Variants in UBE3C observed in about 807,000 individuals in gnomAD.
The protein encoded by UBE3C is ubiquitin protein ligase E3C.
A neutral mutation model predicts 129.4 loss-of-function variants in UBE3C; 42 were observed. The observed-to-expected ratio is 0.32, with a 90% CI of 0.25 to 0.42. UBE3C has a LOEUF of 0.42. Among genes scored for constraint, UBE3C ranks in the 10% least tolerant of loss-of-function variants. The probability of loss-of-function intolerance (pLI) is 1.00; values close to 1 mark genes in which losing one functional copy is unlikely to be tolerated. For missense variants in UBE3C, 1,049 were observed against 1,319.1 expected, an observed-to-expected ratio of 0.80 and a Z score of 3.17; for synonymous variants, 510 against 492.4, an observed-to-expected ratio of 1.04 and a Z score of -0.47.
chr7:157,201,845 C>A, intron 11 of UBE3C, 38 bp downstream of exon 11: 1 of 1,536,404 alleles, frequency 6.5e-7, no homozygotes, highest in South Asian at 1.2e-5. Flanking sequence ...AGCTCAAGGG[C>A]ACAGGAAGTG....
chr7:157,194,008 A>G (rs1318760024), intron 10 of UBE3C, among the ~76,000 whole-genome samples: 1 of 152,206 alleles, frequency 6.6e-6, no homozygotes, highest in African/African-American at 2.4e-5. Context: ...GATATGAACA[A>G]AATTTCAAAT....
chr7:157,194,467 A>G (rs559391411), intron 10 of UBE3C, among the ~76,000 whole-genome samples: 2 of 152,334 alleles, frequency 1.3e-5, no homozygotes, highest in African/African-American at 2.4e-5. Context: ...AGACTTTTCT[A>G]GGTACTTAGA....
At chr7:157,139,460 C>A in intron 1 of UBE3C, 122 bp downstream of exon 1, 1 of 924,132 alleles carries the variant, frequency 1.1e-6, no homozygotes, top group Non-Finnish European at 1.5e-6. Flanking sequence ...GGATTCGGGG[C>A]CTCCCTGGCG....
chr7:157,259,706 G>A (rs576812558), intron 22 of UBE3C, among the ~76,000 whole-genome samples: 1 of 152,146 alleles, frequency 6.6e-6, no homozygotes, highest in Non-Finnish European at 1.5e-5. Flanking sequence ...GCGGGTCAGG[G>A]GCTGCACAGG....
intron 17 of UBE3C, among the ~76,000 whole-genome samples, chr7:157,230,694 CAAAAAAA>C (rs748639288): frequency 2.6e-5 from 1 of 38,844 alleles, no homozygotes; most frequent in South Asian, 1.1e-3. Context: ...GACCCCGTCT[CAAAAAAA>C]AAAAAAAAAA....
chr7:157,140,989 T>G (rs1009515734), intron 1 of UBE3C, among the ~76,000 whole-genome samples: 4 of 152,212 alleles, frequency 2.6e-5, no homozygotes, highest in African/African-American at 7.2e-5. Context: ...AAAAGGCGTC[T>G]CAGCTGGAGG....
chr7:157,225,693 A>G (rs1795856778), intron 17 of UBE3C, among the ~76,000 whole-genome samples, 154 bp downstream of exon 17: 1 of 152,184 alleles, frequency 6.6e-6, no homozygotes, highest in African/African-American at 2.4e-5. Flanking sequence ...TCACACCTAT[A>G]ATCCCAGCAC....
intron 10 of UBE3C, among the ~76,000 whole-genome samples, chr7:157,190,166 C>G (rs528217029): frequency 1.4e-4 from 21 of 152,294 alleles, no homozygotes; most frequent in African/African-American, 4.8e-4. Context: ...CAGCTACATT[C>G]TAGTGACTCT....
intron 11 of UBE3C, among the ~76,000 whole-genome samples, chr7:157,205,041 G>T (rs1809395031): frequency 6.6e-6 from 1 of 152,228 alleles, no homozygotes; most frequent in South Asian, 2.1e-4. Flanking sequence ...CCTGAGTTAT[G>T]TGTGAATCAG....
intron 1 of UBE3C, among the ~76,000 whole-genome samples, chr7:157,154,441 A>G (rs954080219): frequency 6.6e-6 from 1 of 152,122 alleles, no homozygotes; most frequent in Non-Finnish European, 1.5e-5. Flanking sequence ...AAACATAAAC[A>G]TGTCCTCCCC....
chr7:157,249,855 TC>T (rs748984912), intron 19 of UBE3C, among the ~76,000 whole-genome samples: 39 of 152,328 alleles, frequency 2.6e-4, no homozygotes, highest in Non-Finnish European at 4.4e-4. Context: ...TCAAATACAC[TC>T]TGTGCATCCA....
At chr7:157,145,184 T>C (rs1007599564) in intron 1 of UBE3C, among the ~76,000 whole-genome samples, 3 of 151,978 alleles carry the variant, frequency 2.0e-5, no homozygotes, top group African/African-American at 7.3e-5. Flanking sequence ...GAGGTTGCAG[T>C]GAGCCTGGAT....
intron 2 of UBE3C, among the ~76,000 whole-genome samples, chr7:157,165,042 T>A (rs768730941): frequency 6.6e-6 from 1 of 152,190 alleles, no homozygotes; most frequent in African/African-American, 2.4e-5. Flanking sequence ...CTCTACCCAC[T>A]AAATGCCAGT....
At chr7:157,228,928 AG>A (rs1398985023) in intron 17 of UBE3C, among the ~76,000 whole-genome samples, 1 of 152,196 alleles carries the variant, frequency 6.6e-6, no homozygotes, top group Non-Finnish European at 1.5e-5. Context: ...GGTTTTGAGG[AG>A]ATTGCATGGA....
chr7:157,208,543 G>A (rs1272814177), intron 13 of UBE3C, among the ~76,000 whole-genome samples: 1 of 151,994 alleles, frequency 6.6e-6, no homozygotes, highest in African/African-American at 2.4e-5. Flanking sequence ...ACTTAACTGT[G>A]ACACGATGAA....
chr7:157,219,805 A>G (rs1379817828), intron 14 of UBE3C, among the ~76,000 whole-genome samples: 1 of 152,128 alleles, frequency 6.6e-6, no homozygotes, highest in Non-Finnish European at 1.5e-5. Context: ...AGCCTGAGGC[A>G]GGAGAATCCC....
In UBE3C at chr7:157,230,714, ACCT is replaced by A. The variant is rs1796001102; in HGVS notation, c.2234-362_2234-360del. Among the ~76,000 whole-genome samples, 3 of 149,100 alleles carry A rather than the reference ACCT, an allele frequency of 2.0e-5. No homozygotes were observed. In the South Asian group the frequency reaches 6.4e-4, roughly 32 times the overall value. ...CGTCTCAAAAAAAAAAAAAAAAAAA[ACCT>A]CCTAATGTTTTAAGAATTTAGGTAT... On this transcript the variant is annotated intron_variant, in intron 17 of 22. Coordinates refer to ENST00000348165, the MANE Select transcript of UBE3C (RefSeq NM_014671.3).
intron 1 of UBE3C, among the ~76,000 whole-genome samples, chr7:157,149,155 C>G (rs1038557723): frequency 3.3e-5 from 5 of 152,178 alleles, no homozygotes; most frequent in Non-Finnish European, 5.9e-5. Flanking sequence ...CTGCCAGGTT[C>G]AAGCAATTCT....
chr7:157,244,429 A>T (rs1029280881), intron 18 of UBE3C, among the ~76,000 whole-genome samples: 46 of 152,196 alleles, frequency 3.0e-4, no homozygotes, highest in African/African-American at 1.0e-3. Context: ...TTTGTTTTTT[A>T]AATTATATGG....
Sources: allele counts gnomAD v4.1 joint callset (sites outside exome capture counted in the v4.1 genomes callset), GRCh38; gene constraint gnomAD v4.1.1; transcripts MANE v1.5; gene names NCBI Gene and HGNC (gene_info 2026-07-23, HGNC 2026-07-21).